The following PCDHGC3 variants were observed in gnomAD, a reference collection of about 807,000 sequenced individuals.
PCDHGC3 encodes protocadherin gamma subfamily C, 3.
Under a neutral mutation model 59.2 loss-of-function variants are expected in PCDHGC3, and 26 were observed. The observed-to-expected ratio is 0.44, with a 90% CI of 0.32 to 0.61. PCDHGC3 has a LOEUF of 0.61. PCDHGC3 is among the 20% of genes least tolerant of loss of function. The pLI, the probability that PCDHGC3 is intolerant of heterozygous loss-of-function variation, is 0.05. For synonymous variants in PCDHGC3, 487 were observed against 519.7 expected (o/e 0.94, Z 0.86); for missense variants, 1,080 against 1,221.8 (o/e 0.88, Z 1.73).
rs777856819 is a variant in PCDHGC3, at chr5:141,487,572, T to A, written c.2431-7235T>A. On this transcript the variant is annotated intron_variant, in intron 1 of 3. Coordinates refer to ENST00000308177, the MANE Select transcript of PCDHGC3 (RefSeq NM_002588.4). The surrounding 1 kb of genome is among the most constrained non-coding windows in gnomAD (Gnocchi z 5.0). ...AGTGCACCTATGGCAGGGGAGCCTG[T>A]TCGCCCAAGCTGCCCACCCTCTGAT... 1 of 1,614,168 alleles carries A rather than the reference T, an allele frequency of 6.2e-7. No individual in the cohort carries two copies. Among genetic ancestry groups the A allele is most frequent in the Non-Finnish European group, 8.5e-7 (1 of 1,180,034 alleles).
In PCDHGC3 at chr5:141,489,291, C is replaced by A; in HGVS notation, c.2431-5516C>A. ...TCGCTGGGAAATGGCAAGTGCTGTG[C>A]ATGTTGTCCTTGTGCTGCTGGGGCT... is the stretch of plus-strand genomic sequence containing the variant. On this transcript the variant is annotated intron_variant, in intron 1 of 3. Transcript: ENST00000308177. This position sits in a 1 kb window ranked among gnomAD's most constrained non-coding sequence, Gnocchi z 4.5. 6.3e-7 allele frequency: 1 copy of A among 1,577,628 alleles called. No homozygotes were observed. The highest frequency in any genetic ancestry group is 8.6e-7 in the Non-Finnish European group (1 of 1,161,994).
intron 1 of PCDHGC3, among the ~76,000 whole-genome samples, chr5:141,482,056 G>A (rs1271837619): frequency 1.3e-5 from 2 of 149,012 alleles, no homozygotes; most frequent in Non-Finnish European, 3.0e-5. Context: ...TTGCATTCCA[G>A]CCTGGGCAAC....
chr5:141,485,543 G>C lies in PCDHGC3; in HGVS notation c.2430+6997G>C. 1.9e-6 allele frequency: 3 copies of C among 1,614,092 alleles called. No homozygotes were observed. The highest frequency in any genetic ancestry group is 2.5e-6 in the Non-Finnish European group (3 of 1,179,972). On this transcript the variant is annotated intron_variant, in intron 1 of 3. Coordinates refer to ENST00000308177, the MANE Select transcript of PCDHGC3 (RefSeq NM_002588.4). This position sits in a 1 kb window ranked among gnomAD's most constrained non-coding sequence, Gnocchi z 5.7. Reference sequence around the variant, plus strand: ...AATGTACCGAGCAGAGGTAGAGATCGTAGATGTGAATGATCACGCCCCCCG... The same window carrying C: ...AATGTACCGAGCAGAGGTAGAGATCCTAGATGTGAATGATCACGCCCCCCG...
chr5:141,488,186 G>T (rs1005725656), intron 1 of PCDHGC3, among the ~76,000 whole-genome samples: 2 of 152,180 alleles, frequency 1.3e-5, no homozygotes, highest in South Asian at 2.1e-4. Context: ...AGATCTTTTG[G>T]TCTGGGTCTT....
At chr5:141,481,013 A>G (rs1198627648) in intron 1 of PCDHGC3, among the ~76,000 whole-genome samples, 1 of 152,164 alleles carries the variant, frequency 6.6e-6, no homozygotes, top group Admixed American at 6.5e-5. Context: ...AGCCCAGATC[A>G]CACCACTGCA....
At position 141,487,267 on chromosome 5, in the gene PCDHGC3, G is replaced by A; in HGVS notation, c.2431-7540G>A. 3 of 1,614,134 alleles carry A rather than the reference G, an allele frequency of 1.9e-6. No individual in the cohort carries two copies. The highest frequency in any genetic ancestry group is 2.5e-6 in the Non-Finnish European group (3 of 1,180,024). ...CCCTCTACTTGGCTGTGTCCCTAGT[G>A]GCAATTTGCTTTGTCTCCTTTGGCT... is the stretch of plus-strand genomic sequence containing the variant. On this transcript the variant is annotated intron_variant, in intron 1 of 3. Transcript: ENST00000308177. The surrounding 1 kb of genome is among the most constrained non-coding windows in gnomAD (Gnocchi z 5.0).
At chr5:141,494,564 G>A (rs2099755274) in intron 1 of PCDHGC3, among the ~76,000 whole-genome samples, 1 of 152,138 alleles carries the variant, frequency 6.6e-6, no homozygotes, top group Non-Finnish European at 1.5e-5. Context: ...TTTAGGAAAG[G>A]AGTCTCAGCT....
chr5:141,489,867 G>C lies in PCDHGC3; in HGVS notation c.2431-4940G>C. ...ATCGTGAAGCCCAGGCAAGACATCA[G>C]CTGGTGCTTACTGCTGTGGATGGGG... On this transcript the variant is annotated intron_variant, in intron 1 of 3. Transcript: ENST00000308177. This position sits in a 1 kb window ranked among gnomAD's most constrained non-coding sequence, Gnocchi z 4.5. 1 of 1,614,240 alleles carries C rather than the reference G, an allele frequency of 6.2e-7. No individual in the cohort carries two copies. Among genetic ancestry groups the C allele is most frequent in the Non-Finnish European group, 8.5e-7 (1 of 1,180,034 alleles).
In PCDHGC3 at chr5:141,493,664, G is replaced by A. The variant is rs2099749444; in HGVS notation, c.2431-1143G>A. Reference sequence around the variant, plus strand: ...TGGCCATCCCTGTGCCCTTCTCCATGGCAGCCCCAGAATGGTGCTGGTGAC... The same window carrying A: ...TGGCCATCCCTGTGCCCTTCTCCATAGCAGCCCCAGAATGGTGCTGGTGAC... On this transcript the variant is annotated intron_variant, in intron 1 of 3. Coordinates refer to ENST00000308177, the MANE Select transcript of PCDHGC3 (RefSeq NM_002588.4). This position sits in a 1 kb window ranked among gnomAD's most constrained non-coding sequence, Gnocchi z 4.3. Among the ~76,000 whole-genome samples, 1 of 152,136 alleles carries A rather than the reference G, an allele frequency of 6.6e-6. No homozygotes were observed. Among genetic ancestry groups the A allele is most frequent in the Non-Finnish European group, 1.5e-5 (1 of 68,026 alleles).
In PCDHGC3 at chr5:141,476,933, GA is replaced by G; in HGVS notation, c.819del (p.Gly274AlafsTer24). 1 of 1,614,176 alleles carries G rather than the reference GA, an allele frequency of 6.2e-7. No individual in the cohort carries two copies. Reference sequence around the variant, plus strand: ...ACAAGTCCTTGCAACGGATCTGGATGAAGGCCCCAACGGTGAAATTATTTAC... The same window carrying G: ...ACAAGTCCTTGCAACGGATCTGGATGAGGCCCCAACGGTGAAATTATTTAC... Reference protein sequence around the residue: ...VVQVLATDLDEGPNGEIIYSF... With the variant: ...VVQVLATDLDXGPNGEIIYSF... On this transcript the variant is annotated frameshift_variant, in exon 1 of 4. Transcript: ENST00000308177. LOFTEE classifies it high-confidence loss of function. This position sits in a 1 kb window ranked among gnomAD's most constrained non-coding sequence, Gnocchi z 7.6.
Position 141,478,418 on chromosome 5 carries a change from C to T in PCDHGC3, c.2302C>T (p.Arg768Cys). 6.2e-7 allele frequency: 1 copy of T among 1,613,650 alleles called. No individual in the cohort carries two copies. The highest frequency in any genetic ancestry group is 8.5e-7 in the Non-Finnish European group (1 of 1,180,014). ...GGTGTATCTCACCACGGACTCCCGC[C>T]GCAGCGACCCGCTGCTGAAGAAACC... ...HQVYLTTDSRRSDPLLKKPGA... is the reference protein window; with the variant it reads ...HQVYLTTDSRCSDPLLKKPGA... The change falls in exon 1 of 4, where the codon CGC becomes TGC. Residue 768 changes from arginine to cysteine, a missense_variant. Physicochemically the swap from Arg to Cys is radical, Grantham distance 180 (BLOSUM62 -3). Transcript: ENST00000308177.
rs553462245 is a variant in PCDHGC3 at position 141,511,198 on chromosome 5, A to T, written c.*25A>T. Reference sequence around the variant, plus strand: ...ACATGGAGGCCAGGCCAAGAGCCACAGGGCGGCCTCTCCCCAACCAGCCCA... The same window carrying T: ...ACATGGAGGCCAGGCCAAGAGCCACTGGGCGGCCTCTCCCCAACCAGCCCA... On this transcript the variant is annotated 3_prime_UTR_variant, in exon 4 of 4. Transcript: ENST00000308177. The T allele has an allele frequency of 2.7e-5, 43 of 1,612,954 alleles. 1 individual carries two copies. The South Asian group carries it at 4.5e-4, about 17-fold the overall frequency.
rs762574320 is a variant in PCDHGC3, at chr5:141,485,926, G to T, written c.2430+7380G>T. 2.5e-6 allele frequency: 4 copies of T among 1,614,090 alleles called. No individual in the cohort carries two copies. The highest frequency in any genetic ancestry group is 3.4e-6 in the Non-Finnish European group (4 of 1,180,052). On this transcript the variant is annotated intron_variant, in intron 1 of 3. Transcript: ENST00000308177. This position sits in a 1 kb window ranked among gnomAD's most constrained non-coding sequence, Gnocchi z 5.7. Reference sequence around the variant, plus strand: ...AGCAATCCAGCTACAGGATTAGTGTGTTGGAGAGCGCACCAGCGGGCATGG... The same window carrying T: ...AGCAATCCAGCTACAGGATTAGTGTTTTGGAGAGCGCACCAGCGGGCATGG...
At chr5:141,508,732 C>A (rs1037039751) in intron 3 of PCDHGC3, among the ~76,000 whole-genome samples, 3 of 151,880 alleles carry the variant, frequency 2.0e-5, no homozygotes, top group Non-Finnish European at 4.4e-5. Flanking sequence ...GGAGACTACA[C>A]CCCCCACCCC....
intron 1 of PCDHGC3, chr5:141,478,776 A>G (rs961079570): frequency 1.3e-6 from 2 of 1,488,690 alleles, no homozygotes; most frequent in East Asian, 2.5e-5. Flanking sequence ...TCATCTGTGG[A>G]CCTAATTCAC....
rs561329093 is a variant in PCDHGC3 at position 141,509,163 on chromosome 5, C to A, written c.2579-1784C>A. Among the ~76,000 whole-genome samples the A allele has an allele frequency of 1.4e-4, 21 of 152,322 alleles. No individual in the cohort carries two copies. In the South Asian group the frequency reaches 4.1e-3, roughly 30 times the overall value. On this transcript the variant is annotated intron_variant, in intron 3 of 3. Coordinates refer to ENST00000308177, the MANE Select transcript of PCDHGC3 (RefSeq NM_002588.4). ...CATCCCGGCTCTCCCCTCCCGTGTG[C>A]CCTCCTCCTCTTATGCCGGCTTGAA...
chr5:141,498,254 G>A (rs550611179), intron 2 of PCDHGC3, among the ~76,000 whole-genome samples: 2 of 152,338 alleles, frequency 1.3e-5, no homozygotes, highest in East Asian at 3.9e-4. Context: ...AGCAGGGCTG[G>A]TGTTGAGTTC....
intron 1 of PCDHGC3, among the ~76,000 whole-genome samples, chr5:141,480,151 C>T (rs543997143): frequency 1.3e-5 from 2 of 152,162 alleles, no homozygotes; most frequent in African/African-American, 4.8e-5. Context: ...TTAGCCAGCT[C>T]CTAGCATTTT....
Position 141,486,151 on chromosome 5 carries a change from T to C in PCDHGC3, c.2430+7605T>C, listed in dbSNP as rs570065848. The C allele has an allele frequency of 2.7e-5, 44 of 1,613,914 alleles. No individual in the cohort carries two copies. In the South Asian group the frequency reaches 4.3e-4, roughly 16 times the overall value. ...TTGATGTGCGGGCTCGCGATGGGGGTTCTCCAGCCATGGAGCAACATTGCA... is the reference window on the plus strand; with the variant it reads ...TTGATGTGCGGGCTCGCGATGGGGGCTCTCCAGCCATGGAGCAACATTGCA... On this transcript the variant is annotated intron_variant, in intron 1 of 3. Transcript: ENST00000308177. The surrounding 1 kb of genome is among the most constrained non-coding windows in gnomAD (Gnocchi z 5.0).
Sources: gnomAD v4.1 joint callset for allele counts (sites outside exome capture counted in the v4.1 genomes callset) on GRCh38, gnomAD v4.1.1 for gene constraint, Gnocchi (gnomAD v3.1) non-coding constraint, MANE v1.5 for transcripts, NCBI Gene and HGNC (gene_info 2026-07-23, HGNC 2026-07-21) for gene names.